The following CPE variants were observed in gnomAD, a reference collection of about 807,000 sequenced individuals.
CPE encodes carbocypeptidase E.
In CPE, 17 loss-of-function variants were observed where a neutral mutation model predicts 53.5. The ratio of observed to expected loss-of-function variants is 0.32; its 90% CI spans 0.22 to 0.48. The LOEUF is 0.48. CPE is among the 20% of genes least tolerant of loss of function. The pLI, the probability that CPE is intolerant of heterozygous loss-of-function variation, is 0.99. For synonymous variants in CPE, 226 were observed against 228.8 expected (o/e 0.99, Z 0.11); for missense variants, 524 against 614.7 (o/e 0.85, Z 1.56).
chr4:165,434,116 C>CTT (rs11373007), intron 1 of CPE, among the ~76,000 whole-genome samples: 5 of 151,406 alleles, frequency 3.3e-5, no homozygotes, highest in African/African-American at 9.7e-5. Flanking sequence ...TAGATCCATA[C>CTT]TTTTTTTTCA....
At chr4:165,453,535 C>T (rs1731849611) in intron 1 of CPE, among the ~76,000 whole-genome samples, 1 of 152,034 alleles carries the variant, frequency 6.6e-6, no homozygotes, top group Admixed American at 6.6e-5. Context: ...CAGGCTTGCA[C>T]CACCATGCCC....
chr4:165,478,831 T>C (rs1042268826), intron 3 of CPE, among the ~76,000 whole-genome samples: 1 of 152,186 alleles, frequency 6.6e-6, no homozygotes, highest in Non-Finnish European at 1.5e-5. Context: ...AGTATTTTCC[T>C]TACCCCCGAC....
At chr4:165,381,559 G>A in intron 1 of CPE, 2 of 263,180 alleles carry the variant, frequency 7.6e-6, no homozygotes, top group Non-Finnish European at 1.5e-5. Context: ...TTTAAATGAA[G>A]GAGACTCTAA....
At chr4:165,404,765 T>A in intron 1 of CPE, 1 of 780,964 alleles carries the variant, frequency 1.3e-6, no homozygotes, top group Non-Finnish European at 2.4e-6. Context: ...CTTCCCCTGC[T>A]TGAGACCGAT....
chr4:165,406,121 A>T (rs1730949184), intron 1 of CPE: 1 of 754,160 alleles, frequency 1.3e-6, no homozygotes. Context: ...TTCATTCATA[A>T]CTTCCGTGAA....
intron 1 of CPE, chr4:165,414,991 T>C (rs1731099187): frequency 6.5e-6 from 1 of 153,716 alleles, no homozygotes; most frequent in Non-Finnish European, 1.5e-5. Context: ...AATCACCTCA[T>C]TATTACAAAT....
At chr4:165,404,576 T>G in intron 1 of CPE, 1 of 1,011,536 alleles carries the variant, frequency 9.9e-7, no homozygotes, top group Non-Finnish European at 1.6e-6. Context: ...TTTCGCTACA[T>G]CCACGCCAAC....
chr4:165,493,127 T>G (rs1732636542), intron 6 of CPE, 44 bp from the exon 7 acceptor site: 2 of 1,275,936 alleles, frequency 1.6e-6, no homozygotes. Context: ...TTTCTATAAA[T>G]TTATAGGTCA....
intron 1 of CPE, among the ~76,000 whole-genome samples, chr4:165,459,400 G>A (rs575352001): frequency 6.6e-6 from 1 of 152,272 alleles, no homozygotes; most frequent in East Asian, 1.9e-4. Context: ...AGCCAGGCTG[G>A]ATTTGGTTTG....
At position 165,461,166 on chromosome 4, in the gene CPE, C is replaced by CAAAAAAAAAAAAAAA. The variant is rs1173022270; in HGVS notation, c.308-3217_308-3203dup. On this transcript the variant is annotated intron_variant, in intron 1 of 8. Transcript: ENST00000402744. ...TGGGTGACAGAGTGAGCCTCTGCCT[C>CAAAAAAAAAAAAAAA]AAAAAAAAAAAAAAAAAAAAAGAAA... 1.0e-3 allele frequency among the ~76,000 whole-genome samples: 46 copies of CAAAAAAAAAAAAAAA among 44,182 alleles called. 2 individuals are homozygous for CAAAAAAAAAAAAAAA. Among genetic ancestry groups the CAAAAAAAAAAAAAAA allele is most frequent in the East Asian group, 2.1e-3 (2 of 962 alleles). The allele number at this position is 44,182 out of a possible 152,430, so 29.0% of individuals were successfully genotyped here.
chr4:165,389,075 T>G (rs1481432547), intron 1 of CPE, among the ~76,000 whole-genome samples: 1 of 152,032 alleles, frequency 6.6e-6, no homozygotes, highest in Non-Finnish European at 1.5e-5. Flanking sequence ...TTCTCAAGAG[T>G]CAAATTCAGT....
intron 1 of CPE, among the ~76,000 whole-genome samples, chr4:165,403,746 CT>C (rs563548890): frequency 2.6e-5 from 4 of 151,758 alleles, no homozygotes; most frequent in African/African-American, 9.7e-5. Context: ...CTCACCACCC[CT>C]GGCCACCCTG....
Position 165,482,246 on chromosome 4 carries a change from C to T in CPE, c.677C>T (p.Ala226Val). ...TTTAATCTCTCATCTGAACAGCTTG[C>T]TCCTGAGACCAAGGCTGTCATTCAT... ...KKIVDQNTKL[A>V]PETKAVIHWI... Residue 226 changes from alanine (A) to valine (V), a missense_variant, in exon 4 of 9, where the codon GCT (alanine) becomes GTT (valine). Physicochemically the swap from Ala to Val is moderately conservative, Grantham distance 64. Coordinates refer to ENST00000402744, the MANE Select transcript of CPE (RefSeq NM_001873.4). 1 of 1,605,184 alleles carries T rather than the reference C, an allele frequency of 6.2e-7. No individual in the cohort carries two copies. The highest frequency in any genetic ancestry group is 8.5e-7 in the Non-Finnish European group (1 of 1,172,464).
chr4:165,387,733 T>TG (rs1385995828), intron 1 of CPE, among the ~76,000 whole-genome samples: 1 of 151,920 alleles, frequency 6.6e-6, no homozygotes, highest in African/African-American at 2.4e-5. Flanking sequence ...CGCTTGAACC[T>TG]GGGAGGCGGA....
At position 165,398,061 on chromosome 4, in the gene CPE, A is replaced by AC. The variant is rs561447106; in HGVS notation, c.307+18533_307+18534insC. On this transcript the variant is annotated intron_variant, in intron 1 of 8. Coordinates refer to ENST00000402744, the MANE Select transcript of CPE (RefSeq NM_001873.4). ...GCAAGTCCTCATTTCTAAAAAAAAA[A>AC]AAAAAAAAAACAAAACCCCACTAAG... Among the ~76,000 whole-genome samples the AC allele has an allele frequency of 5.7e-3, 865 of 151,258 alleles. 6 individuals carry two copies. The highest frequency in any genetic ancestry group is 9.9e-3 in the Non-Finnish European group (669 of 67,778).
rs982690549 is a variant in CPE, at chr4:165,405,693, C to T, written c.307+26165C>T. The T allele has an allele frequency of 7.4e-6, 6 of 806,780 alleles. No homozygotes were observed. The African/African-American group carries it at 1.0e-4, about 14-fold the overall frequency. 50.0% of individuals were successfully genotyped at this position (806,780 alleles called of 1,614,324 possible). A position where few individuals can be genotyped will look rare whatever the true frequency, so the allele number is the denominator to read the frequency against. On this transcript the variant is annotated intron_variant, in intron 1 of 8. Transcript: ENST00000402744. ...CCTCTGGAAGTTTTAGTCCTGGTCG[C>T]AGAGATTCCACCAATTGGTCAACCA...
intron 1 of CPE, among the ~76,000 whole-genome samples, chr4:165,443,325 T>A (rs1579263917): frequency 6.6e-6 from 1 of 152,346 alleles, no homozygotes; most frequent in Middle Eastern, 3.4e-3. Context: ...TGTGGAGCAT[T>A]TATTAAATGC....
At chr4:165,494,388 C>T (rs1287254779) in intron 7 of CPE, among the ~76,000 whole-genome samples, 1 of 152,176 alleles carries the variant, frequency 6.6e-6, no homozygotes, top group African/African-American at 2.4e-5. Context: ...CTAGAATACT[C>T]CAGCTTTTCA....
intron 1 of CPE, among the ~76,000 whole-genome samples, chr4:165,460,336 T>G (rs1731978231): frequency 6.6e-6 from 1 of 152,204 alleles, no homozygotes; most frequent in Non-Finnish European, 1.5e-5. Flanking sequence ...CAAAATTTCT[T>G]CAGAATCTGT....
Sources: allele counts gnomAD v4.1 joint callset (sites outside exome capture counted in the v4.1 genomes callset), GRCh38; gene constraint gnomAD v4.1.1; transcripts MANE v1.5; gene names NCBI Gene and HGNC (gene_info 2026-07-23, HGNC 2026-07-21).